Variants in CROT observed in about 807,000 individuals in gnomAD.
CROT encodes carnitine O-octanoyltransferase, also known as peroxisomal carnitine O-octanoyltransferase.
In CROT, 84 loss-of-function variants were observed where a neutral mutation model predicts 89.2. The ratio of observed to expected loss-of-function variants is 0.94; its 90% confidence interval spans 0.79 to 1.13. CROT has a LOEUF of 1.13. Among genes scored for constraint, CROT ranks in the 50% most tolerant of loss-of-function variants. The pLI, the probability that CROT is intolerant of heterozygous loss-of-function variation, is 0.00. For synonymous variants in CROT, 212 were observed against 239.5 expected, an observed-to-expected ratio of 0.89 and a Z score of 1.06; for missense variants, 711 against 727.8, an observed-to-expected ratio of 0.98 and a Z score of 0.27.
At chr7:87,376,051 G>T in intron 9 of CROT, 98 bp downstream of exon 9, 1 of 1,199,684 alleles carries the variant, frequency 8.3e-7, no homozygotes. Context: ...CTACCTTTAG[G>T]CTCTTGAAAC....
Position 87,345,688 on chromosome 7 carries a change from C to G in CROT, c.-192C>G, listed in dbSNP as rs1459494437. 5.3e-6 allele frequency: 2 copies of G among 379,180 alleles called. No homozygotes were observed. The highest frequency in any genetic ancestry group is 7.5e-5 in the East Asian group (2 of 26,608). 23.5% of individuals were successfully genotyped at this position (379,180 alleles called of 1,614,324 possible). ...CAGTCCAATTCCCGCACCTTTGAGG[C>G]CCAAGGGGGAGCGAGCCGGTGCTGC... On this transcript the variant is annotated 5_prime_UTR_variant, in exon 1 of 18. Coordinates refer to ENST00000331536, the MANE Select transcript of CROT (RefSeq NM_021151.4).
intron 2 of CROT, among the ~76,000 whole-genome samples, chr7:87,348,566 T>C (rs1262094105): frequency 6.6e-6 from 1 of 152,244 alleles, no homozygotes; most frequent in Non-Finnish European, 1.5e-5. Context: ...TAAGATTTAC[T>C]GCAGGTTCCC....
At chr7:87,352,412 G>A (rs1413568124) in intron 3 of CROT, among the ~76,000 whole-genome samples, 1 of 152,100 alleles carries the variant, frequency 6.6e-6, no homozygotes, top group African/African-American at 2.4e-5. Context: ...AGGCCAGATG[G>A]GAATGGAGGT....
In CROT at chr7:87,398,698, G is replaced by GGAGT; in HGVS notation, c.*59_*62dup. On this transcript the variant is annotated 3_prime_UTR_variant, in exon 18 of 18. Transcript: ENST00000331536. ...AAACATATCATTAAACTGAGTGCTG[G>GGAGT]GAGTGAGTTGGTAATATGAGATGGG... is the stretch of plus-strand genomic sequence containing the variant. The GGAGT allele has an allele frequency of 2.6e-6, 4 of 1,546,474 alleles. No homozygotes were observed. The South Asian group carries it at 4.6e-5, about 18-fold the overall frequency.
rs147881687 is a variant in CROT at position 87,347,429 on chromosome 7, C to T, written c.-22+999C>T. Among the ~76,000 whole-genome samples, 300 of 152,314 alleles carry T rather than the reference C, an allele frequency of 2.0e-3. 1 individual carries two copies. Among genetic ancestry groups the T allele is most frequent in the African/African-American group, 6.8e-3 (282 of 41,578 alleles). On this transcript the variant is annotated intron_variant, in intron 2 of 17. Coordinates refer to ENST00000331536, the MANE Select transcript of CROT (RefSeq NM_021151.4). ...AACCACTCTAAGATAAGGAAATTCACTTAAAGTTGGTTGCCCTAGGGGCAC... is the reference window on the plus strand; with the variant it reads ...AACCACTCTAAGATAAGGAAATTCATTTAAAGTTGGTTGCCCTAGGGGCAC...
At chr7:87,394,420 A>G (rs1395528653) in intron 17 of CROT, among the ~76,000 whole-genome samples, 3 of 152,200 alleles carry the variant, frequency 2.0e-5, no homozygotes, top group African/African-American at 7.2e-5. Flanking sequence ...TGATACTGCA[A>G]GTGCTCCCAA....
chr7:87,357,365 C>T, intron 3 of CROT: 1 of 1,065,776 alleles, frequency 9.4e-7, no homozygotes, highest in South Asian at 1.4e-5. Flanking sequence ...ATATTATACC[C>T]TAGAGACTCT....
chr7:87,375,976 T>TC, intron 9 of CROT, 23 bp downstream of exon 9: 1 of 1,535,690 alleles, frequency 6.5e-7, no homozygotes, highest in Non-Finnish European at 8.7e-7. Context: ...CTTCTCTTTT[T>TC]TTTTTTATTG....
chr7:87,393,159 T>C (rs981878178), intron 17 of CROT, 92 bp downstream of exon 17: 2 of 1,329,738 alleles, frequency 1.5e-6, no homozygotes, highest in African/African-American at 1.5e-5. Flanking sequence ...GTGATTCTTA[T>C]ATTGCCATCT....
intron 6 of CROT, among the ~76,000 whole-genome samples, chr7:87,362,328 G>A (rs1320758490): frequency 1.2e-5 from 1 of 81,706 alleles, no homozygotes; most frequent in Non-Finnish European, 2.4e-5. Flanking sequence ...TTTTTTGTTT[G>A]AGACAGGGTC....
chr7:87,387,240 C>A (rs758843500), intron 13 of CROT, among the ~76,000 whole-genome samples: 66 of 151,978 alleles, frequency 4.3e-4, no homozygotes, highest in Non-Finnish European at 7.9e-4. Flanking sequence ...ATTATGGTAA[C>A]ATGACTCCTC....
intron 10 of CROT, among the ~76,000 whole-genome samples, chr7:87,380,844 A>G (rs538556063): frequency 6.6e-6 from 1 of 152,296 alleles, no homozygotes; most frequent in East Asian, 1.9e-4. Flanking sequence ...TTCTTTGTAA[A>G]ATTGTAAAGT....
At chr7:87,360,126 T>C (rs1806223951) in intron 4 of CROT, 5 of 931,870 alleles carry the variant, frequency 5.4e-6, no homozygotes, top group Non-Finnish European at 6.4e-6. Flanking sequence ...AGTTGTTGTT[T>C]TATCTGTATC....
At chr7:87,381,506 G>C (rs187796041) in intron 10 of CROT, among the ~76,000 whole-genome samples, 1 of 152,224 alleles carries the variant, frequency 6.6e-6, no homozygotes, top group African/African-American at 2.4e-5. Flanking sequence ...CATCCCAAAT[G>C]CTTTCAGATA....
chr7:87,377,327 G>A, intron 9 of CROT, 22 bp from the exon 10 acceptor site: 1 of 1,473,434 alleles, frequency 6.8e-7, no homozygotes, highest in Non-Finnish European at 9.4e-7. Flanking sequence ...CTTTTAATTT[G>A]GAAAAATTAA....
chr7:87,395,909 A>G (rs374828187), intron 17 of CROT, among the ~76,000 whole-genome samples: 2 of 152,192 alleles, frequency 1.3e-5, no homozygotes, highest in African/African-American at 2.4e-5. Context: ...TTTTACCCCA[A>G]TGGAAGAGAA....
intron 17 of CROT, among the ~76,000 whole-genome samples, chr7:87,395,629 G>C (rs1807500037): frequency 6.6e-6 from 1 of 152,138 alleles, no homozygotes; most frequent in African/African-American, 2.4e-5. Flanking sequence ...TTACAAGAAG[G>C]CCTGGACCAA....
At chr7:87,392,094 C>T (rs1807379534) in intron 14 of CROT, among the ~76,000 whole-genome samples, 1 of 152,102 alleles carries the variant, frequency 6.6e-6, no homozygotes, top group African/African-American at 2.4e-5. Context: ...ATAGTGGAAC[C>T]AGGACAGTTG....
In CROT at chr7:87,375,301, C is replaced by A. The variant is rs1806773478; in HGVS notation, c.657-331C>A. On this transcript the variant is annotated intron_variant, in intron 7 of 17. Transcript: ENST00000331536. Reference sequence around the variant, plus strand: ...ATTACCAGGATATTTTTCAAGTTCTCCATTGTAAGGATATTTACAGTAAAA... The same window carrying A: ...ATTACCAGGATATTTTTCAAGTTCTACATTGTAAGGATATTTACAGTAAAA... 3 of 200,378 alleles carry A rather than the reference C, an allele frequency of 1.5e-5. No homozygotes were observed. In the Admixed American group the frequency reaches 1.6e-4, roughly 11 times the overall value. The allele number at this position is 200,378 out of a possible 1,614,324, so 12.4% of individuals were successfully genotyped here.
Sources: allele counts gnomAD v4.1 joint callset (sites outside exome capture counted in the v4.1 genomes callset), GRCh38; gene constraint gnomAD v4.1.1; transcripts MANE v1.5; gene names NCBI Gene and HGNC (gene_info 2026-07-23, HGNC 2026-07-21).